Variants in LARGE1 observed in about 807,000 individuals in gnomAD.
LARGE1 encodes the protein xylosyl- and glucuronyltransferase LARGE1.
LARGE1 carries 43 observed loss-of-function variants against 87.6 expected under a neutral mutation model. The observed-to-expected ratio is 0.49, with a 90% confidence interval of 0.38 to 0.63. The LOEUF is 0.63. Among genes scored for constraint, LARGE1 ranks in the 30% least tolerant of loss-of-function variants. LARGE1 has a pLI of 0.00. For synonymous variants in LARGE1, 434 were observed against 394.6 expected (o/e 1.10, Z -1.18); for missense variants, 802 against 1,000.2 (o/e 0.80, Z 2.67).
At chr22:33,471,368 ATT>A (rs1431948049) in intron 6 of LARGE1, among the ~76,000 whole-genome samples, 2 of 152,036 alleles carry the variant, frequency 1.3e-5, no homozygotes, top group African/African-American at 4.8e-5. Flanking sequence ...ACAACAAGAT[ATT>A]GATTCTGGAA....
chr22:33,126,055 G>T, the LARGE1 span, among the ~76,000 whole-genome samples: 1 of 152,166 alleles, frequency 6.6e-6, no homozygotes, highest in Non-Finnish European at 1.5e-5. Context: ...GCTGGAATTT[G>T]GATTATTTCT....
the LARGE1 span, among the ~76,000 whole-genome samples, chr22:33,073,141 T>C: frequency 4.6e-5 from 7 of 152,318 alleles, 1 homozygote; most frequent in South Asian, 1.4e-3. Context: ...AGTGGTGAAA[T>C]GCCTTCTATT....
intron 7 of LARGE1, among the ~76,000 whole-genome samples, chr22:33,392,945 T>C (rs1190593332): frequency 6.6e-6 from 1 of 152,236 alleles, no homozygotes; most frequent in African/African-American, 2.4e-5. Context: ...CTCAGTGTTC[T>C]GAAAATAGGT....
At chr22:33,089,311 TTC>T in the LARGE1 span, among the ~76,000 whole-genome samples, 2 of 120,104 alleles carry the variant, frequency 1.7e-5, no homozygotes, top group Non-Finnish European at 3.9e-5. Flanking sequence ...CCTCTTCTTC[TTC>T]TTTCTTCTTT....
At chr22:33,162,970 G>A (rs1487130924) in exon 12 of LARGE1, 2 of 152,144 alleles carry the variant, frequency 1.3e-5, no homozygotes, top group East Asian at 1.9e-4. Flanking sequence ...TGCTCATGCC[G>A]GTACCCACAA....
At chr22:33,645,418 C>T (rs1005947489) in intron 3 of LARGE1, among the ~76,000 whole-genome samples, 20 of 152,278 alleles carry the variant, frequency 1.3e-4, no homozygotes, top group Non-Finnish European at 2.6e-4. Context: ...GGACCCCTTC[C>T]TTACACCTTA....
At chr22:33,909,496 C>T (rs1038587445) in intron 1 of LARGE1, among the ~76,000 whole-genome samples, 1 of 151,858 alleles carries the variant, frequency 6.6e-6, no homozygotes, top group Non-Finnish European at 1.5e-5. Flanking sequence ...AAGCCCACAG[C>T]CCCTAACTCA....
At chr22:33,329,646 A>G (rs543387145) in intron 10 of LARGE1, among the ~76,000 whole-genome samples, 7 of 152,106 alleles carry the variant, frequency 4.6e-5, no homozygotes, top group South Asian at 2.1e-4. Context: ...AGCCTTTTCA[A>G]TGTAACCACA....
chr22:33,683,268 TC>T (rs1279278963), intron 2 of LARGE1, among the ~76,000 whole-genome samples: 4 of 152,168 alleles, frequency 2.6e-5, no homozygotes, highest in African/African-American at 9.6e-5. Flanking sequence ...CAATTGAAGA[TC>T]TGAGTAGAAT....
intron 3 of LARGE1, among the ~76,000 whole-genome samples, chr22:33,640,734 T>C (rs2080403356): frequency 6.6e-6 from 1 of 152,096 alleles, no homozygotes; most frequent in African/African-American, 2.4e-5. Context: ...GCTGGGATGA[T>C]TGAGCTTGGT....
intron 5 of LARGE1, among the ~76,000 whole-genome samples, chr22:33,580,158 C>T (rs1025404757): frequency 1.3e-4 from 20 of 151,886 alleles, no homozygotes; most frequent in African/African-American, 4.1e-4. Flanking sequence ...ATCACCTGAG[C>T]TCGGGAGTTT....
intron 1 of LARGE1, among the ~76,000 whole-genome samples, chr22:33,793,367 C>T (rs1446529781): frequency 6.6e-6 from 1 of 152,108 alleles, no homozygotes; most frequent in Non-Finnish European, 1.5e-5. Flanking sequence ...GTCTCCGCTC[C>T]CACCTGGCAT....
the LARGE1 span, among the ~76,000 whole-genome samples, chr22:33,102,680 G>A: frequency 2.6e-5 from 4 of 151,806 alleles, no homozygotes; most frequent in Non-Finnish European, 4.4e-5. Context: ...TAGTAGAGAC[G>A]GGGTTTCGCC....
At position 33,564,870 on chromosome 22, in the gene LARGE1, C is replaced by A; in HGVS notation, c.765G>T (p.Trp255Cys). The change falls in exon 6 of 15, where the codon TGG (tryptophan) becomes TGT (cysteine). Residue 255 changes from tryptophan to cysteine, a missense_variant. This residue lies in a region of LARGE1 where 625 missense variants were observed against 841.9 expected (regional missense o/e 0.74). Coordinates refer to ENST00000397394, the MANE Select transcript of LARGE1 (RefSeq NM_133642.5). ...ITFATDIAEL[W>C]AVFHKFKGQQ... ...TACCTTTGAACTTGTGGAACACAGC[C>A]CACAGCTCTGCAATGTCAGTGGCAA... 1 of 1,614,160 alleles carries A rather than the reference C, an allele frequency of 6.2e-7. No homozygotes were observed. Among genetic ancestry groups the A allele is most frequent in the Non-Finnish European group, 8.5e-7 (1 of 1,180,026 alleles).
At chr22:33,381,474 T>C (rs985451881) in intron 9 of LARGE1, among the ~76,000 whole-genome samples, 1 of 152,214 alleles carries the variant, frequency 6.6e-6, no homozygotes, top group Non-Finnish European at 1.5e-5. Flanking sequence ...ACACCTGTCA[T>C]AGCACTTTGT....
At chr22:33,376,323 C>CT (rs2064991131) in intron 9 of LARGE1, among the ~76,000 whole-genome samples, 2 of 152,238 alleles carry the variant, frequency 1.3e-5, no homozygotes. Flanking sequence ...TGTTATTTGC[C>CT]TATAGAACTC....
chr22:33,201,344 AAGAG>A (rs1316914090), intron 11 of LARGE1, among the ~76,000 whole-genome samples: 7 of 90,592 alleles, frequency 7.7e-5, no homozygotes, highest in Non-Finnish European at 1.1e-4. Context: ...GAGAGAAAGA[AAGAG>A]AGAGAAAGAG....
At chr22:33,773,849 G>A (rs2085148079) in intron 1 of LARGE1, among the ~76,000 whole-genome samples, 1 of 151,888 alleles carries the variant, frequency 6.6e-6, no homozygotes, top group Non-Finnish European at 1.5e-5. Flanking sequence ...ACAACAATAT[G>A]AGATGCTATG....
chr22:33,218,035 T>C (rs1269368187), intron 11 of LARGE1, among the ~76,000 whole-genome samples: 1 of 152,106 alleles, frequency 6.6e-6, no homozygotes, highest in Non-Finnish European at 1.5e-5. Context: ...GTTCAAGTGA[T>C]TCTCCTGCCT....
Sources: gnomAD v4.1 joint callset for allele counts (sites outside exome capture counted in the v4.1 genomes callset) on GRCh38, gnomAD v4.1.1 for gene constraint, gnomAD v4.1.1 regional missense constraint, MANE v1.5 for transcripts, NCBI Gene and HGNC (gene_info 2026-07-23, HGNC 2026-07-21) for gene names.